CEP250: variants seen among roughly 807,000 people sequenced by gnomAD.
The protein encoded by CEP250 is centrosomal protein 250.
A neutral mutation model predicts 315.7 loss-of-function variants in CEP250; 242 were observed. The ratio of observed to expected loss-of-function variants is 0.77; its 90% CI spans 0.69 to 0.85. The LOEUF (loss-of-function observed/expected upper bound fraction) is 0.85, where lower values mean the gene tolerates loss of function less well. Ranked by LOEUF, CEP250 falls within the 40% of genes least tolerant of loss-of-function variation. The probability of loss-of-function intolerance (pLI) is 0.00; values close to 1 mark genes in which losing one functional copy is unlikely to be tolerated. For synonymous variants in CEP250, 1,088 were observed against 1,175.0 expected, an observed-to-expected ratio of 0.93 and a Z score of 1.51; for missense variants, 2,515 against 2,886.4, an observed-to-expected ratio of 0.87 and a Z score of 2.95.
intron 16 of CEP250, 169 bp downstream of exon 16, chr20:35,476,764 C>A: frequency 1.8e-6 from 1 of 556,874 alleles, no homozygotes; most frequent in Non-Finnish European, 3.1e-6. Flanking sequence ...TCCCCTCCCA[C>A]ACCTCCAGCA....
At chr20:35,466,294 C>G (rs2062875618) in intron 7 of CEP250, 90 bp downstream of exon 7, 6 of 1,412,152 alleles carry the variant, frequency 4.2e-6, no homozygotes, top group Non-Finnish European at 5.7e-6. Flanking sequence ...AACTTCAGGA[C>G]TTGGATGAAA....
Position 35,494,399 on chromosome 20 carries a change from C to T in CEP250, c.3034-125C>T. The T allele has an allele frequency of 2.4e-6, 3 of 1,267,146 alleles. No individual in the cohort carries two copies. The South Asian group carries it at 4.2e-5, about 18-fold the overall frequency. 78.5% of individuals were successfully genotyped at this position (1,267,146 alleles called of 1,614,324 possible). A position where few individuals can be genotyped will look rare whatever the true frequency, so the allele number is the denominator to read the frequency against. ...CAGTGTGTAGGAATTGGTAGAATCG[C>T]CAGAGCATTGGAAATGGCCACTGAC... On this transcript the variant is annotated intron_variant, in intron 23 of 34. Coordinates refer to ENST00000397527, the MANE Select transcript of CEP250 (RefSeq NM_007186.6).
intron 20 of CEP250, among the ~76,000 whole-genome samples, chr20:35,486,304 C>T (rs1399618812): frequency 6.6e-6 from 1 of 152,042 alleles, no homozygotes; most frequent in Non-Finnish European, 1.5e-5. Context: ...CTGCACTGTA[C>T]AACTCTAGCT....
chr20:35,468,328 C>G (rs550502872), intron 9 of CEP250, among the ~76,000 whole-genome samples: 15 of 152,246 alleles, frequency 9.9e-5, no homozygotes, highest in Admixed American at 5.2e-4. Flanking sequence ...CTTTTGACCT[C>G]TTATTACAGC....
chr20:35,464,297 T>C (rs1373381760), intron 5 of CEP250, among the ~76,000 whole-genome samples: 1 of 152,126 alleles, frequency 6.6e-6, no homozygotes, highest in Non-Finnish European at 1.5e-5. Flanking sequence ...GGTTGGTTTT[T>C]GTTTGTTTGG....
chr20:35,488,962 G>A (rs2147009137), intron 20 of CEP250, among the ~76,000 whole-genome samples: 1 of 152,244 alleles, frequency 6.6e-6, no homozygotes, highest in Admixed American at 6.5e-5. Context: ...TAAGCGGGCA[G>A]ATCACTTGAG....
At chr20:35,472,029 T>A (rs1364244884) in intron 10 of CEP250, 21 bp from the exon 11 acceptor site, 8 of 1,417,432 alleles carry the variant, frequency 5.6e-6, no homozygotes. Flanking sequence ...GCTCTGAGGC[T>A]CTGTTCTATT....
At chr20:35,486,018 A>G (rs2063502991) in intron 20 of CEP250, among the ~76,000 whole-genome samples, 1 of 150,410 alleles carries the variant, frequency 6.6e-6, no homozygotes, top group Admixed American at 6.6e-5. Flanking sequence ...CATTGGGTGA[A>G]AGATAGTGGA....
intron 20 of CEP250, among the ~76,000 whole-genome samples, chr20:35,482,058 T>TAGAC (rs2063361768): frequency 6.9e-6 from 1 of 145,762 alleles, no homozygotes; most frequent in Non-Finnish European, 1.5e-5. Flanking sequence ...AATAGATAGA[T>TAGAC]AGATAGATAG....
intron 23 of CEP250, 28 bp downstream of exon 23, chr20:35,493,600 A>T (rs115699391): frequency 1.3e-6 from 2 of 1,495,914 alleles, no homozygotes; most frequent in African/African-American, 2.9e-5. Flanking sequence ...ACCAAGTCCC[A>T]TGGTCCTTCC....
intron 9 of CEP250, among the ~76,000 whole-genome samples, chr20:35,468,214 G>A (rs1022387883): frequency 6.6e-6 from 1 of 152,146 alleles, no homozygotes; most frequent in East Asian, 1.9e-4. Flanking sequence ...CTCCCAAAGT[G>A]TTGGGATTAC....
intron 20 of CEP250, among the ~76,000 whole-genome samples, chr20:35,486,205 G>C (rs1487967866): frequency 1.3e-5 from 2 of 151,342 alleles, no homozygotes; most frequent in South Asian, 2.1e-4. Context: ...AGTAGACACT[G>C]GGTTTCACCA....
At position 35,462,578 on chromosome 20, in the gene CEP250, G is replaced by A. The variant is rs746668715; in HGVS notation, c.186+25G>A. 76 of 1,563,212 alleles carry A rather than the reference G, an allele frequency of 4.9e-5. 1 individual carries two copies. The highest frequency in any genetic ancestry group is 1.7e-6 in the Non-Finnish European group (2 of 1,153,628). On this transcript the variant is annotated intron_variant, in intron 4 of 34. Coordinates refer to ENST00000397527, the MANE Select transcript of CEP250 (RefSeq NM_007186.6). The stretch of plus-strand genomic sequence containing the variant: ...GGTGAGGCAGCTGCCCTTTTGGGGA[G>A]GGGAAAGAGAACAACCCCCAGAGCT...
chr20:35,462,965 T>A (rs761577634), intron 4 of CEP250, among the ~76,000 whole-genome samples: 42 of 152,172 alleles, frequency 2.8e-4, no homozygotes, highest in Non-Finnish European at 4.7e-4. Context: ...AAGGGTTAAG[T>A]TAATTATCCA....
Position 35,511,856 on chromosome 20 carries a change from G to A in CEP250, c.*230G>A. 5 of 1,358,216 alleles carry A rather than the reference G, an allele frequency of 3.7e-6. No homozygotes were observed. Among genetic ancestry groups the A allele is most frequent in the Non-Finnish European group, 3.8e-6 (4 of 1,058,794 alleles). The allele number at this position is 1,358,216 out of a possible 1,614,324, so 84.1% of individuals were successfully genotyped here. ...TTGCTCCCTATGGAATCACCCAGAG[G>A]GGTGCCTTGCCCTGGCTGAGGGACA... On this transcript the variant is annotated 3_prime_UTR_variant, in exon 35 of 35. Coordinates refer to ENST00000397527, the MANE Select transcript of CEP250 (RefSeq NM_007186.6).
intron 23 of CEP250, 147 bp from the exon 24 acceptor site, chr20:35,494,377 T>C: frequency 9.9e-7 from 1 of 1,005,644 alleles, no homozygotes; most frequent in Non-Finnish European, 1.5e-6. Context: ...TTAAGAACAG[T>C]GTGTAGGAAT....
intron 14 of CEP250, among the ~76,000 whole-genome samples, chr20:35,475,055 G>C (rs1036738243): frequency 1.3e-4 from 20 of 152,142 alleles, no homozygotes; most frequent in Admixed American, 5.2e-4. Flanking sequence ...AAAATTAGCT[G>C]TAGCTGAATG....
chr20:35,467,208 T>C (rs1260244927), intron 8 of CEP250, 96 bp from the exon 9 acceptor site: 1 of 1,488,816 alleles, frequency 6.7e-7, no homozygotes, highest in Non-Finnish European at 9.2e-7. Context: ...GCAGATGATT[T>C]TTCCCAGCCC....
intron 34 of CEP250, among the ~76,000 whole-genome samples, 165 bp from the exon 35 acceptor site, chr20:35,511,198 C>A (rs1285955457): frequency 6.6e-6 from 1 of 152,196 alleles, no homozygotes; most frequent in East Asian, 1.9e-4. Context: ...TTCCTAAGGG[C>A]CCTTCCTCTA....
Sources: allele counts gnomAD v4.1 joint callset (sites outside exome capture counted in the v4.1 genomes callset), GRCh38; gene constraint gnomAD v4.1.1; transcripts MANE v1.5; gene names NCBI Gene and HGNC (gene_info 2026-07-23, HGNC 2026-07-21).